Variants in TAGLN3 observed in about 807,000 individuals in gnomAD.
The protein encoded by TAGLN3 is transgelin-3.
Under a neutral mutation model 25.4 loss-of-function variants are expected in TAGLN3, and 12 were observed. That is an observed-to-expected ratio of 0.47 (90% CI 0.30 to 0.77). TAGLN3 has a LOEUF of 0.77. Ranked by LOEUF, TAGLN3 falls within the 30% of genes least tolerant of loss-of-function variation. The pLI is 0.06. For missense variants in TAGLN3, 218 were observed against 255.8 expected (o/e 0.85, Z 1.01); for synonymous variants, 96 against 94.8 (o/e 1.01, Z -0.08).
chr3:112,009,273 G>C (rs1330740652), intron 3 of TAGLN3, among the ~76,000 whole-genome samples: 2 of 152,176 alleles, frequency 1.3e-5, no homozygotes, highest in African/African-American at 4.8e-5. Context: ...GGCCCTAACT[G>C]CTTTTCTTTG....
In TAGLN3 at chr3:112,011,901, C is replaced by A. The variant is rs73853279; in HGVS notation, c.458+36C>A. 3.1e-6 allele frequency: 5 copies of A among 1,591,770 alleles called. No individual in the cohort carries two copies. The East Asian group carries it at 6.7e-5, about 21-fold the overall frequency. The stretch of plus-strand genomic sequence containing the variant: ...CTTCCTTGCCCCCTGGACCACAAGG[C>A]GATTTTAACCAGAGGGAGGGTCTGA... On this transcript the variant is annotated intron_variant, in intron 4 of 4. Transcript: ENST00000478951.
At chr3:111,999,263 T>C in intron 1 of TAGLN3, 149 bp downstream of exon 1, 1 of 769,178 alleles carries the variant, frequency 1.3e-6, no homozygotes, top group South Asian at 2.0e-5. Context: ...CCCCATTGGC[T>C]TCATTGGCTC....
At chr3:112,002,923 AAG>A (rs1374777244) in intron 3 of TAGLN3, among the ~76,000 whole-genome samples, 1 of 152,062 alleles carries the variant, frequency 6.6e-6, no homozygotes, top group African/African-American at 2.4e-5. Context: ...CCTCTAAAGA[AAG>A]AGGGAGGCCT....
At position 112,013,704 on chromosome 3, in the gene TAGLN3, C is replaced by G; in HGVS notation, c.*153C>G. 2.6e-6 allele frequency: 3 copies of G among 1,160,538 alleles called. No homozygotes were observed. Among genetic ancestry groups the G allele is most frequent in the African/African-American group, 1.5e-5 (1 of 65,830 alleles). The allele number at this position is 1,160,538 out of a possible 1,614,324, so 71.9% of individuals were successfully genotyped here. On this transcript the variant is annotated 3_prime_UTR_variant, in exon 5 of 5. Coordinates refer to ENST00000478951, the MANE Select transcript of TAGLN3 (RefSeq NM_001008272.2). ...GTGCTGCATTTCCGCCGAGAATCCGCGTTGCCTACTGCTGCCACCTCCTGT... is the reference window on the plus strand; with the variant it reads ...GTGCTGCATTTCCGCCGAGAATCCGGGTTGCCTACTGCTGCCACCTCCTGT...
intron 1 of TAGLN3, 41 bp from the exon 2 acceptor site, chr3:111,999,380 G>A (rs1355581881): frequency 6.2e-7 from 1 of 1,602,898 alleles, no homozygotes; most frequent in Non-Finnish European, 8.5e-7. Flanking sequence ...TGCTGCTGCT[G>A]CTATTGTGTG....
At chr3:112,002,933 C>T (rs943088903) in intron 3 of TAGLN3, among the ~76,000 whole-genome samples, 2 of 152,114 alleles carry the variant, frequency 1.3e-5, no homozygotes, top group Admixed American at 6.5e-5. Context: ...AAGAGGGAGG[C>T]CTGGAGGGAT....
intron 3 of TAGLN3, among the ~76,000 whole-genome samples, chr3:112,007,938 T>C (rs1457362529): frequency 6.6e-6 from 1 of 152,128 alleles, no homozygotes; most frequent in African/African-American, 2.4e-5. Flanking sequence ...CTCACAATCA[T>C]CCCAGGAGAC....
Position 112,000,816 on chromosome 3 carries a change from G to T in TAGLN3, c.225G>T (p.Glu75Asp). The change falls in exon 3 of 5, where the codon GAG becomes GAT. Residue 75 changes from glutamate to aspartate, a missense_variant. Physicochemically the swap from Glu to Asp is conservative, Grantham distance 45. Coordinates refer to ENST00000478951, the MANE Select transcript of TAGLN3 (RefSeq NM_001008272.2). The stretch of plus-strand genomic sequence containing the variant: ...ATAGTTTATACCCACCAGGACAAGA[G>T]CCCATACCCAAGATCTCAGAGTCAA... Reference protein sequence around the residue: ...LINSLYPPGQEPIPKISESKM... With the variant: ...LINSLYPPGQDPIPKISESKM... 2 of 1,614,168 alleles carry T rather than the reference G, an allele frequency of 1.2e-6. No homozygotes were observed. The highest frequency in any genetic ancestry group is 1.7e-6 in the Non-Finnish European group (2 of 1,180,026).
chr3:112,011,323 A>C (rs947799502), intron 3 of TAGLN3, among the ~76,000 whole-genome samples: 1 of 152,146 alleles, frequency 6.6e-6, no homozygotes, highest in Non-Finnish European at 1.5e-5. Context: ...CACACAAGCC[A>C]GTTGTTTATT....
chr3:112,000,816 G>A lies in TAGLN3; in HGVS notation c.225G>A (p.Glu75=), dbSNP rs757226287. The A allele has an allele frequency of 2.2e-5, 35 of 1,614,168 alleles. 1 individual carries two copies. In the Middle Eastern group the frequency reaches 3.1e-3, roughly 145 times the overall value. The part of the protein sequence containing the change: ...LINSLYPPGQ[E]PIPKISESKM... ...ATAGTTTATACCCACCAGGACAAGA[G>A]CCCATACCCAAGATCTCAGAGTCAA... The change falls in exon 3 of 5, where the codon GAG becomes GAA. Residue 75 remains glutamate, a synonymous_variant. Coordinates refer to ENST00000478951, the MANE Select transcript of TAGLN3 (RefSeq NM_001008272.2).
intron 4 of TAGLN3, among the ~76,000 whole-genome samples, chr3:112,012,390 A>G (rs979487577): frequency 2.6e-5 from 4 of 151,574 alleles, no homozygotes; most frequent in African/African-American, 9.7e-5. Flanking sequence ...ATGTTGTCCC[A>G]GTATATCTAT....
chr3:112,002,643 T>C (rs1159548587), intron 3 of TAGLN3, among the ~76,000 whole-genome samples: 465 of 141,954 alleles, frequency 3.3e-3, no homozygotes, highest in Admixed American at 4.0e-3. Flanking sequence ...CCCGGGTGAG[T>C]CCCCCCCCCA....
chr3:112,011,832 G>A lies in TAGLN3; in HGVS notation c.425G>A (p.Gly142Asp). ...AGCGTTGCAGTCACCAAGGATGATG[G>A]CTGCTATCGGGGAGAGCCATCCTGG... is the stretch of plus-strand genomic sequence containing the variant. ...LGSVAVTKDD[G>D]CYRGEPSWFH... The change falls in exon 4 of 5, where the codon GGC becomes GAC. Residue 142 changes from glycine to aspartate, a missense_variant. Transcript: ENST00000478951. 1 of 1,614,036 alleles carries A rather than the reference G, an allele frequency of 6.2e-7. No homozygotes were observed. Among genetic ancestry groups the A allele is most frequent in the Non-Finnish European group, 8.5e-7 (1 of 1,179,932 alleles).
At position 112,013,742 on chromosome 3, in the gene TAGLN3, A is replaced by C. The variant is rs573815871; in HGVS notation, c.*191A>C. On this transcript the variant is annotated 3_prime_UTR_variant, in exon 5 of 5. Coordinates refer to ENST00000478951, the MANE Select transcript of TAGLN3 (RefSeq NM_001008272.2). The stretch of plus-strand genomic sequence containing the variant: ...TGCCACCTCCTGTTCATTTAGAACT[A>C]TGCAAAGACTCCGCTTCCGTTTTCC... The C allele has an allele frequency of 1.0e-4, 77 of 769,570 alleles. No homozygotes were observed. The South Asian group carries it at 1.1e-3, about 11-fold the overall frequency. 47.7% of individuals were successfully genotyped at this position (769,570 alleles called of 1,614,324 possible).
chr3:112,000,907 A>AGAACCACG lies in TAGLN3; in HGVS notation c.323_324insGGAACCAC (p.Asp109GlufsTer24). On this transcript the variant is annotated frameshift_variant, in exon 3 of 5. Coordinates refer to ENST00000478951, the MANE Select transcript of TAGLN3 (RefSeq NM_001008272.2). LOFTEE classifies it high-confidence loss of function. ...AAAAGCTGCGGAGACCTATGGTGTC[A>AGAACCACG]GAACCACCGACATCTTTCAGACGGT... 6.2e-7 allele frequency: 1 copy of AGAACCACG among 1,614,148 alleles called. No individual in the cohort carries two copies. Among genetic ancestry groups the AGAACCACG allele is most frequent in the South Asian group, 1.1e-5 (1 of 91,066 alleles).
At chr3:112,007,377 A>G (rs1452113537) in intron 3 of TAGLN3, among the ~76,000 whole-genome samples, 1 of 152,180 alleles carries the variant, frequency 6.6e-6, no homozygotes, top group Non-Finnish European at 1.5e-5. Flanking sequence ...ACTGCCCTAA[A>G]AAGCTTCTGT....
chr3:112,013,488 C>T lies in TAGLN3; in HGVS notation c.537C>T (p.Gly179=), dbSNP rs1559944932. 1 of 1,614,172 alleles carries T rather than the reference C, an allele frequency of 6.2e-7. No homozygotes were observed. The highest frequency in any genetic ancestry group is 2.2e-5 in the East Asian group (1 of 44,874). ...QGQNVIGLQM[G]SNKGASQAGM... is the part of the protein sequence containing the mutation. ...AGAACGTAATAGGCCTGCAGATGGG[C>T]AGCAACAAGGGAGCCTCCCAGGCGG... is the stretch of plus-strand genomic sequence containing the variant. The change falls in exon 5 of 5, where the codon GGC becomes GGT. Residue 179 remains glycine (G), a synonymous_variant. Transcript: ENST00000478951.
At chr3:112,005,896 G>T (rs2072912131) in intron 3 of TAGLN3, among the ~76,000 whole-genome samples, 1 of 150,806 alleles carries the variant, frequency 6.6e-6, no homozygotes, top group African/African-American at 2.4e-5. Context: ...TAGAGAAGAG[G>T]TTTCACTGAG....
intron 4 of TAGLN3, among the ~76,000 whole-genome samples, chr3:112,012,903 AATG>A (rs2072994506): frequency 6.6e-6 from 1 of 152,180 alleles, no homozygotes; most frequent in African/African-American, 2.4e-5. Context: ...GAATGGGATT[AATG>A]ATGTGCTTTG....
Sources: allele counts gnomAD v4.1 joint callset (sites outside exome capture counted in the v4.1 genomes callset), GRCh38; gene constraint gnomAD v4.1.1; transcripts MANE v1.5; gene names NCBI Gene and HGNC (gene_info 2026-07-23, HGNC 2026-07-21).